Variants in ZFPM2 observed in about 807,000 individuals in gnomAD.
The protein encoded by ZFPM2 is zinc finger protein ZFPM2.
Under a neutral mutation model 98.6 loss-of-function variants are expected in ZFPM2, and 20 were observed. That is an observed-to-expected ratio of 0.20 (90% CI 0.14 to 0.29). The LOEUF (loss-of-function observed/expected upper bound fraction) is 0.29, where lower values mean the gene tolerates loss of function less well. Among genes scored for constraint, ZFPM2 ranks in the 10% least tolerant of loss-of-function variants. The probability of loss-of-function intolerance (pLI) is 1.00; values close to 1 mark genes in which losing one functional copy is unlikely to be tolerated. For synonymous variants in ZFPM2, 518 were observed against 502.7 expected (o/e 1.03, Z -0.41); for missense variants, 1,310 against 1,388.6 (o/e 0.94, Z 0.90).
At chr8:105,424,409 C>T (rs1452173757) in intron 2 of ZFPM2, among the ~76,000 whole-genome samples, 1 of 151,614 alleles carries the variant, frequency 6.6e-6, no homozygotes, top group Admixed American at 6.6e-5. Context: ...GAGAAATGAA[C>T]TAAAATTAGA....
intron 5 of ZFPM2, among the ~76,000 whole-genome samples, chr8:105,748,405 C>T (rs983877429): frequency 2.0e-5 from 3 of 152,020 alleles, no homozygotes; most frequent in Non-Finnish European, 2.9e-5. Context: ...AATGTAAATG[C>T]ATTCTTCAAC....
intron 4 of ZFPM2, among the ~76,000 whole-genome samples, chr8:105,576,527 T>C (rs940569320): frequency 6.6e-6 from 1 of 152,148 alleles, no homozygotes; most frequent in African/African-American, 2.4e-5. Flanking sequence ...TGAGTTTAAC[T>C]CAGACTCTTA....
intron 1 of ZFPM2, among the ~76,000 whole-genome samples, chr8:105,330,900 T>TA (rs1812220672): frequency 1.3e-5 from 2 of 150,314 alleles, no homozygotes; most frequent in African/African-American, 4.9e-5. Flanking sequence ...TTTTCAGTTT[T>TA]ACAGTTAAAA....
chr8:105,625,528 T>G (rs1040251290), intron 4 of ZFPM2, among the ~76,000 whole-genome samples: 1 of 152,134 alleles, frequency 6.6e-6, no homozygotes, highest in Non-Finnish European at 1.5e-5. Context: ...TCGCTGTGTT[T>G]GGTACTTAAC....
chr8:105,562,275 A>G (rs946396619), intron 4 of ZFPM2, among the ~76,000 whole-genome samples: 11 of 152,192 alleles, frequency 7.2e-5, no homozygotes, highest in Non-Finnish European at 1.3e-4. Context: ...GTGCCATTGC[A>G]TTCCAGCCTG....
Position 105,801,450 on chromosome 8 carries a change from A to G in ZFPM2, c.1368A>G (p.Ile456Met), listed in dbSNP as rs1814011650. ...QLFLTNQRPE[I>M]QPTTNKQSFS... The stretch of plus-strand genomic sequence containing the variant: ...TTCTCACGAACCAGAGACCAGAGAT[A>G]CAGCCTACAACAAATAAACAAAGCT... The change falls in exon 8 of 8, where the codon ATA (isoleucine) becomes ATG (methionine). Residue 456 changes from isoleucine (I) to methionine (M), a missense_variant. Transcript: ENST00000407775. 23 of 1,613,848 alleles carry G rather than the reference A, an allele frequency of 1.4e-5. No homozygotes were observed. The highest frequency in any genetic ancestry group is 1.9e-5 in the Non-Finnish European group (22 of 1,179,880).
intron 3 of ZFPM2, among the ~76,000 whole-genome samples, chr8:105,480,465 C>G (rs1813092626): frequency 1.3e-5 from 2 of 152,172 alleles, no homozygotes; most frequent in Non-Finnish European, 2.9e-5. Flanking sequence ...GGTGCATGTG[C>G]TACCGCAGAG....
chr8:105,623,951 G>A (rs1489222789), intron 4 of ZFPM2, among the ~76,000 whole-genome samples: 1 of 152,136 alleles, frequency 6.6e-6, no homozygotes, highest in Non-Finnish European at 1.5e-5. Flanking sequence ...CCTTAAGTAA[G>A]TATAAGCTCA....
intron 5 of ZFPM2, among the ~76,000 whole-genome samples, chr8:105,788,263 AT>A (rs1486920635): frequency 6.6e-6 from 1 of 152,138 alleles, no homozygotes; most frequent in Non-Finnish European, 1.5e-5. Context: ...GGATGGAAGT[AT>A]TTCATGGGGG....
chr8:105,744,924 T>C (rs1391521605), intron 5 of ZFPM2, among the ~76,000 whole-genome samples: 2 of 152,158 alleles, frequency 1.3e-5, no homozygotes, highest in Non-Finnish European at 2.9e-5. Flanking sequence ...GCTTCTCTTC[T>C]GTGGCAATTC....
At chr8:105,564,252 G>A (rs1815200451) in intron 4 of ZFPM2, among the ~76,000 whole-genome samples, 3 of 151,556 alleles carry the variant, frequency 2.0e-5, no homozygotes, top group Admixed American at 1.3e-4. Flanking sequence ...ATCAACAATT[G>A]GGTAATGGGT....
chr8:105,798,374 C>T (rs565424435), intron 6 of ZFPM2: 2 of 159,762 alleles, frequency 1.3e-5, no homozygotes, highest in East Asian at 3.6e-4. Flanking sequence ...TGCTTGAACC[C>T]AGGAGGTAGA....
intron 2 of ZFPM2, among the ~76,000 whole-genome samples, chr8:105,425,797 A>C (rs781024565): frequency 3.9e-5 from 6 of 152,214 alleles, no homozygotes; most frequent in Non-Finnish European, 8.8e-5. Context: ...CTGAATGTTA[A>C]GGTAAAGCAA....
chr8:105,649,797 G>A (rs1817129620), intron 5 of ZFPM2, among the ~76,000 whole-genome samples: 1 of 152,010 alleles, frequency 6.6e-6, no homozygotes, highest in Non-Finnish European at 1.5e-5. Context: ...ATTTTATTGA[G>A]GATTTTTGCA....
intron 3 of ZFPM2, among the ~76,000 whole-genome samples, chr8:105,546,932 A>G (rs1013868691): frequency 6.6e-6 from 1 of 152,160 alleles, no homozygotes; most frequent in Non-Finnish European, 1.5e-5. Context: ...TATTATCTAC[A>G]TATACAGTTC....
chr8:105,467,414 A>G (rs1363510114), intron 3 of ZFPM2, among the ~76,000 whole-genome samples: 2 of 152,190 alleles, frequency 1.3e-5, no homozygotes, highest in Middle Eastern at 3.4e-3. Context: ...GTGCTCAGTT[A>G]TTGCTTTTGT....
chr8:105,718,310 G>A (rs1246433935), intron 5 of ZFPM2, among the ~76,000 whole-genome samples: 1 of 151,844 alleles, frequency 6.6e-6, no homozygotes, highest in East Asian at 2.0e-4. Context: ...GGAATATCTT[G>A]GTTAGTTGAT....
chr8:105,332,234 G>A (rs963943685), intron 1 of ZFPM2, among the ~76,000 whole-genome samples: 4 of 151,640 alleles, frequency 2.6e-5, no homozygotes, highest in African/African-American at 7.3e-5. Context: ...GCCTCAGTTT[G>A]CTCTCCAGCC....
chr8:105,561,240 A>G, intron 3 of ZFPM2, 123 bp from the exon 4 acceptor site: 3 of 750,536 alleles, frequency 4.0e-6, no homozygotes, highest in Non-Finnish European at 6.8e-6. Flanking sequence ...TCAGACAAGC[A>G]TAATTAATTC....
Sources: allele counts gnomAD v4.1 joint callset (sites outside exome capture counted in the v4.1 genomes callset), GRCh38; gene constraint gnomAD v4.1.1; transcripts MANE v1.5; gene names NCBI Gene and HGNC (gene_info 2026-07-23, HGNC 2026-07-21).